KALRN: variants seen among roughly 807,000 people sequenced by gnomAD.
The protein encoded by KALRN is kalirin.
In KALRN, 70 loss-of-function variants were observed where a neutral mutation model predicts 353.7. The ratio of observed to expected loss-of-function variants is 0.20; its 90% CI spans 0.16 to 0.24. The LOEUF (loss-of-function observed/expected upper bound fraction) is 0.24, where lower values mean the gene tolerates loss of function less well. KALRN is among the 10% of genes least tolerant of loss of function. KALRN has a pLI of 1.00. For missense variants in KALRN, 2,791 were observed against 3,756.7 expected, an observed-to-expected ratio of 0.74 and a Z score of 6.72; for synonymous variants, 1,391 against 1,434.8, an observed-to-expected ratio of 0.97 and a Z score of 0.69.
rs75967482 is a variant in KALRN, at chr3:124,407,172, C to T, written c.2347-6298C>T. Among the ~76,000 whole-genome samples the T allele has an allele frequency of 0.015, 2,245 of 152,006 alleles. 158 individuals carry two copies. The East Asian group carries it at 0.19, about 13-fold the overall frequency. On this transcript the variant is annotated intron_variant, in intron 13 of 59. Transcript: ENST00000682506. ...GGTTTCCTCATTTGAGAAATGGAAA[C>T]GAAATAATATTTCCCAGCCTATTGG...
chr3:124,219,258 C>A (rs1198264207), intron 1 of KALRN, among the ~76,000 whole-genome samples: 2 of 152,156 alleles, frequency 1.3e-5, no homozygotes, highest in Admixed American at 6.5e-5. Context: ...CAGTGGTGGA[C>A]AATGGCAGAA....
At chr3:124,264,832 C>T (rs766523480) in intron 4 of KALRN, 142 bp downstream of exon 4, 3 of 719,842 alleles carry the variant, frequency 4.2e-6, no homozygotes, top group East Asian at 5.4e-5. Context: ...GCCGCCATGG[C>T]CTTACCAGTT....
intron 1 of KALRN, among the ~76,000 whole-genome samples, chr3:124,206,270 T>C (rs745682762): frequency 1.3e-5 from 2 of 152,172 alleles, no homozygotes; most frequent in Non-Finnish European, 2.9e-5. Flanking sequence ...AGTCCTCCAC[T>C]GAACACTTTG....
intron 10 of KALRN, among the ~76,000 whole-genome samples, chr3:124,371,985 A>G (rs2085906749): frequency 6.6e-6 from 1 of 152,040 alleles, no homozygotes; most frequent in African/African-American, 2.4e-5. Context: ...TCTACTCTCT[A>G]TGTCCCTGAG....
intron 5 of KALRN, among the ~76,000 whole-genome samples, chr3:124,297,935 CT>C (rs1358385986): frequency 6.6e-6 from 1 of 152,248 alleles, no homozygotes; most frequent in African/African-American, 2.4e-5. Context: ...GAAGCCATAA[CT>C]AAATAACTAG....
intron 57 of KALRN, among the ~76,000 whole-genome samples, chr3:124,703,278 T>C (rs2062434257): frequency 6.6e-6 from 1 of 152,168 alleles, no homozygotes; most frequent in African/African-American, 2.4e-5. Context: ...TCCTTTCCTG[T>C]CTTCTTTGTG....
At chr3:124,666,967 A>T (rs2289422) in intron 46 of KALRN, 45 bp from the exon 47 acceptor site, 40,971 of 1,550,280 alleles carry the variant, frequency 0.026, 750 homozygotes, top group East Asian at 0.093. Flanking sequence ...GCTGATTTTT[A>T]AAAAATCTTT....
At chr3:124,143,928 C>G (rs2066957193) in intron 1 of KALRN, among the ~76,000 whole-genome samples, 1 of 152,130 alleles carries the variant, frequency 6.6e-6, no homozygotes, top group African/African-American at 2.4e-5. Flanking sequence ...CAATTGGAAG[C>G]TATTAGATGG....
chr3:124,543,033 T>C (rs2069209234), intron 33 of KALRN, among the ~76,000 whole-genome samples: 1 of 152,116 alleles, frequency 6.6e-6, no homozygotes, highest in Non-Finnish European at 1.5e-5. Context: ...GCAGGCGGCC[T>C]CAGTTTCTCA....
At chr3:124,102,404 C>T (rs921064584) in intron 1 of KALRN, among the ~76,000 whole-genome samples, 36 of 152,306 alleles carry the variant, frequency 2.4e-4, no homozygotes, top group African/African-American at 8.4e-4. Flanking sequence ...TCCCTCCCAA[C>T]CTCTTAGCCC....
At chr3:124,643,502 C>G (rs1708308) in intron 37 of KALRN, among the ~76,000 whole-genome samples, 35,686 of 152,022 alleles carry the variant, frequency 0.23, 4,503 homozygotes, top group East Asian at 0.47. Flanking sequence ...GTTTTTTTGA[C>G]ACAGGGTCTC....
intron 1 of KALRN, among the ~76,000 whole-genome samples, chr3:124,146,589 G>A (rs1020395579): frequency 1.3e-5 from 2 of 152,034 alleles, no homozygotes; most frequent in Non-Finnish European, 2.9e-5. Flanking sequence ...GTTAAAAAGG[G>A]AGTAAGGGCC....
At chr3:124,582,770 G>T (rs1033168759) in intron 34 of KALRN, among the ~76,000 whole-genome samples, 57 of 117,674 alleles carry the variant, frequency 4.8e-4, no homozygotes, top group Non-Finnish European at 9.3e-4. Context: ...ATTTTTTTTG[G>T]GGGGGTTGAG....
At chr3:124,108,556 A>C (rs1321723142) in intron 1 of KALRN, among the ~76,000 whole-genome samples, 1 of 152,192 alleles carries the variant, frequency 6.6e-6, no homozygotes, top group East Asian at 1.9e-4. Flanking sequence ...GGCCAATGAA[A>C]CGTGAGCAGA....
intron 51 of KALRN, among the ~76,000 whole-genome samples, chr3:124,688,955 C>CT (rs1398915272): frequency 3.3e-5 from 5 of 152,200 alleles, no homozygotes; most frequent in African/African-American, 1.2e-4. Context: ...CAGAAGGAAA[C>CT]TAAGTTGCTG....
At chr3:124,716,312 C>T (rs1395744998) in intron 58 of KALRN, among the ~76,000 whole-genome samples, 3 of 152,182 alleles carry the variant, frequency 2.0e-5, no homozygotes, top group African/African-American at 7.2e-5. Context: ...TCACTTGAGA[C>T]CAGGAGTTTG....
intron 1 of KALRN, chr3:124,080,033 A>T (rs1259470244): frequency 2.1e-6 from 1 of 471,020 alleles, no homozygotes; most frequent in Admixed American, 2.3e-5. Context: ...GTTGCATTCT[A>T]TGTTGCCAGT....
rs371040358 is a variant in KALRN, at chr3:124,563,105, G to A, written c.5182+16G>A. Reference sequence around the variant, plus strand: ...TTGGTGAAAGGTAGGAGAACAGAGCGGGTGGGAGGCACAGACCAAGGAGGC... The same window carrying A: ...TTGGTGAAAGGTAGGAGAACAGAGCAGGTGGGAGGCACAGACCAAGGAGGC... On this transcript the variant is annotated intron_variant, in intron 34 of 59. Transcript: ENST00000682506. 2.8e-5 allele frequency: 38 copies of A among 1,363,456 alleles called. No individual in the cohort carries two copies. Among genetic ancestry groups the A allele is most frequent in the Admixed American group, 2.3e-4 (12 of 52,452 alleles). 84.5% of individuals were successfully genotyped at this position (1,363,456 alleles called of 1,614,324 possible).
intron 1 of KALRN, among the ~76,000 whole-genome samples, chr3:124,198,107 G>A (rs569782885): frequency 1.2e-3 from 178 of 152,294 alleles, no homozygotes; most frequent in Middle Eastern, 3.4e-3. Context: ...ATTTCTGATC[G>A]AGGAATTAAA....
Sources: allele counts gnomAD v4.1 joint callset (sites outside exome capture counted in the v4.1 genomes callset), GRCh38; gene constraint gnomAD v4.1.1; transcripts MANE v1.5; gene names NCBI Gene and HGNC (gene_info 2026-07-23, HGNC 2026-07-21).